The following MAP3K9 variants were observed in gnomAD, a reference collection of about 807,000 sequenced individuals.
MAP3K9 encodes the protein mixed lineage kinase 1 (tyr and ser/thr specificity).
In MAP3K9, 46 loss-of-function variants were observed where a neutral mutation model predicts 95.8. The ratio of observed to expected loss-of-function variants is 0.48; its 90% CI spans 0.38 to 0.61. The LOEUF (loss-of-function observed/expected upper bound fraction) is 0.61, where lower values mean the gene tolerates loss of function less well. Among genes scored for constraint, MAP3K9 ranks in the 20% least tolerant of loss-of-function variants. The pLI, the probability that MAP3K9 is intolerant of heterozygous loss-of-function variation, is 0.00. For synonymous variants in MAP3K9, 533 were observed against 593.8 expected, an observed-to-expected ratio of 0.90 and a Z score of 1.49; for missense variants, 1,296 against 1,474.3, an observed-to-expected ratio of 0.88 and a Z score of 1.98.
chr14:70,794,990 C>CTTTTTTTTTTTTTTTTTTTTTTTTTTT (rs572010694), intron 2 of MAP3K9, among the ~76,000 whole-genome samples: 2 of 76,800 alleles, frequency 2.6e-5, no homozygotes, highest in African/African-American at 1.1e-4. Context: ...TTTTCTTTTC[C>CTTTTTTTTTTTTTTTTTTTTTTTTTTT]TTTTTTTTTT....
At chr14:70,753,940 A>G (rs1207093126) in intron 3 of MAP3K9, among the ~76,000 whole-genome samples, 1 of 152,112 alleles carries the variant, frequency 6.6e-6, no homozygotes, top group Non-Finnish European at 1.5e-5. Flanking sequence ...TTTTGTAGTA[A>G]CCTGCACCAT....
In MAP3K9 at chr14:70,732,559, A is replaced by G. The variant is rs1422938149; in HGVS notation, c.2810T>C (p.Leu937Ser). 7 of 1,590,764 alleles carry G rather than the reference A, an allele frequency of 4.4e-6. No individual in the cohort carries two copies. Among genetic ancestry groups the G allele is most frequent in the Non-Finnish European group, 6.0e-6 (7 of 1,168,220 alleles). ...LASRSPSSNGLSPSPGAGMLK... is the reference protein window; with the variant it reads ...LASRSPSSNGSSPSPGAGMLK... ...CTCACCTGCTCCAGGACTGGGGCTC[A>G]ACCCATTGCTGGAGGGGCTCCTGCT... The change falls in exon 11 of 12, where the codon TTG (leucine) becomes TCG (serine). Residue 937 changes from leucine to serine, a missense_variant. Coordinates refer to ENST00000554752, the MANE Select transcript of MAP3K9 (RefSeq NM_001284230.2).
At chr14:70,742,645 G>C in intron 5 of MAP3K9, 54 bp from the exon 6 acceptor site, 1 of 1,579,768 alleles carries the variant, frequency 6.3e-7, no homozygotes, top group Non-Finnish European at 8.6e-7. Flanking sequence ...AGTGCAGAGG[G>C]GCTCTGGGGT....
At position 70,730,184 on chromosome 14, in the gene MAP3K9, C is replaced by A. The variant is rs1327956276; in HGVS notation, c.*196G>T. The A allele has an allele frequency of 2.7e-6, 2 of 741,350 alleles. No homozygotes were observed. Among genetic ancestry groups the A allele is most frequent in the Non-Finnish European group, 4.2e-6 (2 of 473,966 alleles). 45.9% of individuals were successfully genotyped at this position (741,350 alleles called of 1,614,324 possible). ...TGATGGCCACAGCCCCTCCAGTGGA[C>A]ACGGGTAGAAAGGCCCTGCAGGGCA... On this transcript the variant is annotated 3_prime_UTR_variant, in exon 12 of 12. Coordinates refer to ENST00000554752, the MANE Select transcript of MAP3K9 (RefSeq NM_001284230.2).
intron 3 of MAP3K9, among the ~76,000 whole-genome samples, chr14:70,752,739 T>C (rs1426265764): frequency 6.6e-6 from 1 of 152,166 alleles, no homozygotes; most frequent in Non-Finnish European, 1.5e-5. Context: ...CCTGGAAAGA[T>C]CATAGAGTGT....
chr14:70,750,017 C>G lies in MAP3K9; in HGVS notation c.1066G>C (p.Ala356Pro), dbSNP rs1419294627. ...TTCATGGCCACTCCATAAGCGACTG[C>G]TAAGCCATCAATGCCTCGAAAGGGC... is the stretch of plus-strand genomic sequence containing the variant. ...EVPFRGIDGLAVAYGVAMNKL... is the reference protein window; with the variant it reads ...EVPFRGIDGLPVAYGVAMNKL... Residue 356 changes from alanine to proline, a missense_variant, in exon 4 of 12, where the codon GCA (alanine) becomes CCA (proline). This residue lies in a region of MAP3K9 where 136 missense variants were observed against 221.5 expected (regional missense o/e 0.61). Coordinates refer to ENST00000554752, the MANE Select transcript of MAP3K9 (RefSeq NM_001284230.2). The G allele has an allele frequency of 6.2e-7, 1 of 1,614,192 alleles. No homozygotes were observed. The highest frequency in any genetic ancestry group is 1.7e-5 in the Admixed American group (1 of 60,022).
intron 2 of MAP3K9, among the ~76,000 whole-genome samples, chr14:70,787,470 T>G (rs2054759272): frequency 6.8e-6 from 1 of 147,506 alleles, no homozygotes; most frequent in African/African-American, 2.5e-5. Flanking sequence ...ATGGCACCAC[T>G]GCACACCAGC....
At chr14:70,770,756 C>A (rs1307153797) in intron 2 of MAP3K9, among the ~76,000 whole-genome samples, 1 of 152,066 alleles carries the variant, frequency 6.6e-6, no homozygotes, top group Non-Finnish European at 1.5e-5. Context: ...ATCTAAGCTG[C>A]CCATCCTCTA....
At chr14:70,768,755 A>T (rs2054491552) in intron 2 of MAP3K9, among the ~76,000 whole-genome samples, 1 of 152,146 alleles carries the variant, frequency 6.6e-6, no homozygotes, top group Non-Finnish European at 1.5e-5. Context: ...CTCTCCCATT[A>T]GGTCCTAATG....
intron 7 of MAP3K9, 29 bp from the exon 8 acceptor site, chr14:70,738,427 T>C (rs1394490134): frequency 1.9e-6 from 3 of 1,609,840 alleles, no homozygotes; most frequent in Admixed American, 3.4e-5. Flanking sequence ...GGATAGGATC[T>C]AGAAAATGGA....
At chr14:70,779,151 G>A (rs2139821434) in intron 2 of MAP3K9, among the ~76,000 whole-genome samples, 1 of 152,328 alleles carries the variant, frequency 6.6e-6, no homozygotes, top group East Asian at 1.9e-4. Flanking sequence ...AGGTAGAAAG[G>A]GAGAAGAAGG....
rs1343002728 is a variant in MAP3K9, at chr14:70,729,766, C to T, written c.*614G>A. The T allele has an allele frequency of 6.6e-6, 1 of 152,292 alleles. No homozygotes were observed. The highest frequency in any genetic ancestry group is 1.5e-5 in the Non-Finnish European group (1 of 68,078). 9.4% of individuals were successfully genotyped at this position (152,292 alleles called of 1,614,324 possible). ...TGTGGGCTCAGATAAATAGGTGGGGCACCTGGAAGTGCAGATAGGCAGTGC... is the reference window on the plus strand; with the variant it reads ...TGTGGGCTCAGATAAATAGGTGGGGTACCTGGAAGTGCAGATAGGCAGTGC... On this transcript the variant is annotated 3_prime_UTR_variant, in exon 12 of 12. Coordinates refer to ENST00000554752, the MANE Select transcript of MAP3K9 (RefSeq NM_001284230.2).
At position 70,758,373 on chromosome 14, in the gene MAP3K9, C is replaced by T. The variant is rs148128624; in HGVS notation, c.1001+2629G>A. 2.0e-5 allele frequency among the ~76,000 whole-genome samples: 3 copies of T among 152,062 alleles called. No homozygotes were observed. In the East Asian group the frequency reaches 5.8e-4, roughly 29 times the overall value. On this transcript the variant is annotated intron_variant, in intron 3 of 11. Transcript: ENST00000554752. Reference sequence around the variant, plus strand: ...TCCACAAGGATAGACATAATAATAACTTTTTTTTTAAAAAAAGGCAATAAC... The same window carrying T: ...TCCACAAGGATAGACATAATAATAATTTTTTTTTTAAAAAAAGGCAATAAC...
chr14:70,743,902 A>T (rs1302238859), intron 5 of MAP3K9, among the ~76,000 whole-genome samples: 1 of 152,218 alleles, frequency 6.6e-6, no homozygotes, highest in South Asian at 2.1e-4. Context: ...AGACACATGC[A>T]CACGTATGTT....
intron 2 of MAP3K9, among the ~76,000 whole-genome samples, chr14:70,782,136 T>C (rs897487716): frequency 6.6e-6 from 1 of 152,186 alleles, no homozygotes; most frequent in African/African-American, 2.4e-5. Context: ...CTCATGTATC[T>C]TGACACGCTG....
chr14:70,805,829 G>A (rs911153051), intron 1 of MAP3K9, among the ~76,000 whole-genome samples: 1 of 152,148 alleles, frequency 6.6e-6, no homozygotes, highest in Non-Finnish European at 1.5e-5. Context: ...TGGGAGGCTG[G>A]GGTGGGAGGA....
rs201827381 is a variant in MAP3K9, at chr14:70,730,649, G to A, written c.3046C>T (p.Arg1016Cys). The change falls in exon 12 of 12, where the codon CGC becomes TGC. Residue 1016 changes from arginine (R) to cysteine (C), a missense_variant. Coordinates refer to ENST00000554752, the MANE Select transcript of MAP3K9 (RefSeq NM_001284230.2). ...PWWFVSPSHA[R>C]STSPANSSST... ...GAGCTGTTGGCTGGGGAGGTGCTGC[G>A]GGCATGGCTGGGGGACACAAACCAC... is the stretch of plus-strand genomic sequence containing the variant. 7.9e-5 allele frequency: 128 copies of A among 1,613,720 alleles called. No homozygotes were observed. The highest frequency in any genetic ancestry group is 3.2e-4 in the Admixed American group (19 of 60,020).
At chr14:70,808,730 A>G (rs1244420194) in intron 1 of MAP3K9, 36 bp downstream of exon 1, 5 of 1,101,322 alleles carry the variant, frequency 4.5e-6, no homozygotes, top group Non-Finnish European at 5.6e-6. Flanking sequence ...GGCCTCCGTC[A>G]TTCCCCCTCC....
At chr14:70,751,416 A>C (rs940949160) in intron 3 of MAP3K9, among the ~76,000 whole-genome samples, 3 of 152,228 alleles carry the variant, frequency 2.0e-5, no homozygotes, top group Non-Finnish European at 4.4e-5. Context: ...AATTTAAAAA[A>C]TAATAATAGG....
Sources: gnomAD v4.1 joint callset for allele counts (sites outside exome capture counted in the v4.1 genomes callset) on GRCh38, gnomAD v4.1.1 for gene constraint, gnomAD v4.1.1 regional missense constraint, MANE v1.5 for transcripts, NCBI Gene and HGNC (gene_info 2026-07-23, HGNC 2026-07-21) for gene names.